The following EEF1AKMT1 variants were observed in gnomAD, a reference collection of about 807,000 sequenced individuals.
EEF1AKMT1 encodes the protein EEF1A lysine methyltransferase 1.
EEF1AKMT1 carries 18 observed loss-of-function variants against 21.0 expected under a neutral mutation model. That is an observed-to-expected ratio of 0.86 (90% CI 0.59 to 1.27). EEF1AKMT1 has a LOEUF of 1.27. Ranked by LOEUF, EEF1AKMT1 falls within the 50% of genes most tolerant of loss-of-function variation. The pLI is 0.00. For missense variants in EEF1AKMT1, 246 were observed against 258.6 expected, an observed-to-expected ratio of 0.95 and a Z score of 0.33; for synonymous variants, 109 against 94.8, an observed-to-expected ratio of 1.15 and a Z score of -0.87.
At chr13:20,748,720 TTTTTGG>T (rs759585736) in intron 2 of EEF1AKMT1, among the ~76,000 whole-genome samples, 1,306 of 91,536 alleles carry the variant, frequency 0.014, 60 homozygotes, top group African/African-American at 0.021. Flanking sequence ...TAGTTGTTTT[TTTTTGG>T]TTTTTTTTTT....
At chr13:20,773,878 G>A (rs1285533258) in intron 1 of EEF1AKMT1, 43 bp downstream of exon 1, 2 of 152,556 alleles carry the variant, frequency 1.3e-5, no homozygotes, top group Non-Finnish European at 2.9e-5. Context: ...CGCCTCGGCG[G>A]CGCGCAGCCA....
At chr13:20,737,846 A>T (rs2058835055) in intron 2 of EEF1AKMT1, 41 bp from the exon 3 acceptor site, 1 of 1,436,790 alleles carries the variant, frequency 7.0e-7, no homozygotes, top group East Asian at 2.3e-5. Context: ...TAGAACTGGC[A>T]TAAGCTTTGT....
At chr13:20,731,691 G>T in intron 4 of EEF1AKMT1, 150 bp downstream of exon 4, 2 of 790,324 alleles carry the variant, frequency 2.5e-6, no homozygotes, top group Non-Finnish European at 4.0e-6. Flanking sequence ...ATCAGTCCTA[G>T]TTTACAGATA....
At chr13:20,731,047 G>A (rs1284499562) in intron 4 of EEF1AKMT1, among the ~76,000 whole-genome samples, 2 of 152,182 alleles carry the variant, frequency 1.3e-5, no homozygotes, top group African/African-American at 4.8e-5. Context: ...TTTAAGAGCT[G>A]TAACACCACG....
chr13:20,753,693 T>C (rs975084444), intron 2 of EEF1AKMT1, among the ~76,000 whole-genome samples: 4 of 152,192 alleles, frequency 2.6e-5, no homozygotes, highest in Non-Finnish European at 5.9e-5. Context: ...TGTACTGTTT[T>C]TTTACTTAAA....
At chr13:20,731,587 C>G (rs1276672886) in intron 4 of EEF1AKMT1, among the ~76,000 whole-genome samples, 1 of 152,192 alleles carries the variant, frequency 6.6e-6, no homozygotes, top group African/African-American at 2.4e-5. Flanking sequence ...GTAAAAGTAA[C>G]AGCTGACATT....
At chr13:20,773,242 T>C (rs2059070845) in intron 1 of EEF1AKMT1, among the ~76,000 whole-genome samples, 1 of 152,184 alleles carries the variant, frequency 6.6e-6, no homozygotes. Context: ...CGTTGTGATG[T>C]ACGCCCCATG....
chr13:20,731,516 A>G (rs904463228), intron 4 of EEF1AKMT1, among the ~76,000 whole-genome samples: 2 of 152,224 alleles, frequency 1.3e-5, no homozygotes, highest in Non-Finnish European at 2.9e-5. Context: ...TATAGATTCC[A>G]AATTTCTCTT....
chr13:20,737,882 C>T, intron 2 of EEF1AKMT1, 77 bp from the exon 3 acceptor site: 1 of 912,100 alleles, frequency 1.1e-6, no homozygotes, highest in Non-Finnish European at 1.7e-6. Context: ...ATAATCTATA[C>T]CAGTGGACAG....
intron 2 of EEF1AKMT1, among the ~76,000 whole-genome samples, chr13:20,748,739 T>G (rs1208718148): frequency 3.4e-5 from 4 of 116,340 alleles, no homozygotes; most frequent in Non-Finnish European, 4.0e-5. Flanking sequence ...TTTTTTTTTT[T>G]TTTTTTTTGA....
chr13:20,762,807 C>G (rs538005331), intron 1 of EEF1AKMT1, among the ~76,000 whole-genome samples: 7 of 152,304 alleles, frequency 4.6e-5, no homozygotes, highest in African/African-American at 1.7e-4. Flanking sequence ...AGTCACTACA[C>G]CCAGGGTGTA....
intron 2 of EEF1AKMT1, among the ~76,000 whole-genome samples, chr13:20,755,067 G>C (rs1169315634): frequency 6.6e-6 from 1 of 152,180 alleles, no homozygotes. Flanking sequence ...CCATAAACAG[G>C]AGGTTGGGAA....
chr13:20,757,269 AG>A (rs1193150742), intron 2 of EEF1AKMT1, 185 bp downstream of exon 2: 3 of 485,330 alleles, frequency 6.2e-6, no homozygotes, highest in Non-Finnish European at 1.1e-5. Context: ...GTTCAAGAAA[AG>A]CTGTTACACT....
intron 1 of EEF1AKMT1, among the ~76,000 whole-genome samples, chr13:20,763,429 T>A (rs183293662): frequency 3.8e-4 from 57 of 151,668 alleles, no homozygotes; most frequent in Non-Finnish European, 6.3e-4. Flanking sequence ...TGTTATAGCA[T>A]CCCTAGCATT....
chr13:20,731,878 G>C lies in EEF1AKMT1; in HGVS notation c.471C>G (p.Val157=), dbSNP rs202246353. The change falls in exon 4 of 5, where the codon GTC becomes GTG. Residue 157 remains valine, a synonymous_variant. Transcript: ENST00000382758. ...EECLRKTSET[V]KYLTRGKILL... ...GAATCTTGCCCCGCGTCAGGTACTTGACGGTTTCCGATGTTTTTCTGAGAC... is the reference window on the plus strand; with the variant it reads ...GAATCTTGCCCCGCGTCAGGTACTTCACGGTTTCCGATGTTTTTCTGAGAC... 67 of 1,614,048 alleles carry C rather than the reference G, an allele frequency of 4.2e-5. No homozygotes were observed. Among genetic ancestry groups the C allele is most frequent in the Non-Finnish European group, 5.6e-5 (66 of 1,180,026 alleles).
intron 2 of EEF1AKMT1, among the ~76,000 whole-genome samples, chr13:20,754,905 TAA>T (rs34001409): frequency 1.7e-4 from 25 of 150,974 alleles, no homozygotes; most frequent in Non-Finnish European, 2.1e-4. Context: ...AAAAGAAAAT[TAA>T]AAAAAAAAAT....
chr13:20,768,909 T>A (rs2059049630), intron 1 of EEF1AKMT1: 1 of 151,904 alleles, frequency 6.6e-6, no homozygotes, highest in African/African-American at 2.4e-5. Flanking sequence ...GTTACAATTC[T>A]CCCCAGAAAT....
At chr13:20,760,471 G>GAC (rs1407321144) in intron 1 of EEF1AKMT1, among the ~76,000 whole-genome samples, 1 of 152,090 alleles carries the variant, frequency 6.6e-6, no homozygotes, top group Non-Finnish European at 1.5e-5. Flanking sequence ...CTCACTTGTA[G>GAC]ACGGGAGCTA....
chr13:20,751,227 T>C (rs2058938416), intron 2 of EEF1AKMT1, among the ~76,000 whole-genome samples: 1 of 152,206 alleles, frequency 6.6e-6, no homozygotes, highest in South Asian at 2.1e-4. Context: ...TTTGAGGTCT[T>C]AGCCATGAAA....
Sources: gnomAD v4.1 joint callset for allele counts (sites outside exome capture counted in the v4.1 genomes callset) on GRCh38, gnomAD v4.1.1 for gene constraint, MANE v1.5 for transcripts, NCBI Gene and HGNC (gene_info 2026-07-23, HGNC 2026-07-21) for gene names.